Variants in CUX2 observed in about 807,000 individuals in gnomAD.
CUX2 encodes the protein cut like homeobox 2.
In CUX2, 40 loss-of-function variants were observed where a neutral mutation model predicts 144.8. The ratio of observed to expected loss-of-function variants is 0.28; its 90% CI spans 0.21 to 0.36. CUX2 has a LOEUF of 0.36. CUX2 is among the 10% of genes least tolerant of loss of function. The probability of loss-of-function intolerance (pLI) is 1.00; values close to 1 mark genes in which losing one functional copy is unlikely to be tolerated. For synonymous variants in CUX2, 827 were observed against 875.6 expected (o/e 0.94, Z 0.98); for missense variants, 1,615 against 1,994.0 (o/e 0.81, Z 3.62).
At chr12:111,291,023 C>T (rs752406354) in intron 4 of CUX2, among the ~76,000 whole-genome samples, 12 of 151,968 alleles carry the variant, frequency 7.9e-5, no homozygotes, top group Admixed American at 1.3e-4. Flanking sequence ...CCACCACACC[C>T]GGCTAATTTT....
chr12:111,258,381 T>G (rs1214302628), intron 3 of CUX2, among the ~76,000 whole-genome samples: 1 of 152,044 alleles, frequency 6.6e-6, no homozygotes, highest in Non-Finnish European at 1.5e-5. Context: ...GGCGTGGTAG[T>G]GCATGCCTGT....
chr12:111,290,857 C>G (rs1885636125), intron 4 of CUX2, among the ~76,000 whole-genome samples: 1 of 148,202 alleles, frequency 6.7e-6, no homozygotes, highest in African/African-American at 2.6e-5. Context: ...AGCCACTGCA[C>G]TCAGCCAACC....
intron 4 of CUX2, among the ~76,000 whole-genome samples, chr12:111,270,956 G>C (rs1427643281): frequency 1.3e-5 from 2 of 152,148 alleles, no homozygotes; most frequent in Non-Finnish European, 2.9e-5. Context: ...TCTGGTTTCT[G>C]TGTCTTTAGA....
rs557455446 is a variant in CUX2 at position 111,295,783 on chromosome 12, A to T, written c.637+374A>T. The stretch of plus-strand genomic sequence containing the variant: ...ATTAATTAATTAATTAATTAATTTA[A>T]TACAACCCCTGCAGGGGCCAAAACG... On this transcript the variant is annotated intron_variant, in intron 7 of 21. Transcript: ENST00000261726. The surrounding 1 kb of genome is among the most constrained non-coding windows in gnomAD (Gnocchi z 5.0). Among the ~76,000 whole-genome samples, 195 of 138,418 alleles carry T rather than the reference A, an allele frequency of 1.4e-3. 1 individual carries two copies. The highest frequency in any genetic ancestry group is 5.4e-3 in the African/African-American group (192 of 35,720). 90.8% of individuals were successfully genotyped at this position (138,418 alleles called of 152,430 possible). A position where few individuals can be genotyped will look rare whatever the true frequency, so the allele number is the denominator to read the frequency against.
chr12:111,110,029 C>G (rs1873844733), intron 1 of CUX2, among the ~76,000 whole-genome samples: 1 of 151,454 alleles, frequency 6.6e-6, no homozygotes, highest in South Asian at 2.1e-4. Context: ...GTGCCCACCA[C>G]CACACTCAAC....
At chr12:111,075,743 A>C (rs1377841393) in intron 1 of CUX2, among the ~76,000 whole-genome samples, 1 of 152,112 alleles carries the variant, frequency 6.6e-6, no homozygotes, top group African/African-American at 2.4e-5. Flanking sequence ...AAGTCTCATT[A>C]TTTGTCCTTA....
At chr12:111,113,609 C>T (rs1177292481) in intron 1 of CUX2, among the ~76,000 whole-genome samples, 1 of 152,156 alleles carries the variant, frequency 6.6e-6, no homozygotes, top group Non-Finnish European at 1.5e-5. Context: ...GGCTGGAGTG[C>T]AGTGGCACGA....
intron 1 of CUX2, among the ~76,000 whole-genome samples, chr12:111,136,903 C>G (rs551291214): frequency 6.6e-6 from 1 of 151,730 alleles, no homozygotes; most frequent in African/African-American, 2.4e-5. Flanking sequence ...GTGTATGTGT[C>G]AAGATTTGGT....
chr12:111,150,886 T>C (rs6489962), intron 1 of CUX2, among the ~76,000 whole-genome samples: 1,857 of 152,172 alleles, frequency 0.012, 38 homozygotes, highest in African/African-American at 0.042. Context: ...TTCGCAGCAA[T>C]GGTGGGAGGG....
Position 111,096,900 on chromosome 12 carries a change from C to A in CUX2, c.63+62660C>A, listed in dbSNP as rs188120722. Among the ~76,000 whole-genome samples, 453 of 152,028 alleles carry A rather than the reference C, an allele frequency of 3.0e-3. 4 individuals carry two copies. The highest frequency in any genetic ancestry group is 0.01 in the African/African-American group (427 of 41,460). On this transcript the variant is annotated intron_variant, in intron 1 of 21. Transcript: ENST00000261726. The stretch of plus-strand genomic sequence containing the variant: ...GGCTGAGGCAGAGAATTGCTTGAAC[C>A]CAGGAGGTGGAGGTTGCAGTGAGCC...
Position 111,310,489 on chromosome 12 carries a change from C to T in CUX2, c.1707C>T (p.His569=). 1 of 1,613,998 alleles carries T rather than the reference C, an allele frequency of 6.2e-7. No individual in the cohort carries two copies. The highest frequency in any genetic ancestry group is 8.5e-7 in the Non-Finnish European group (1 of 1,180,014). ...AGGTGAAGGAGCAGCTGCTGAAACA[C>T]AACATCGGGCAGCGGGTGTTTGGGC... ...AFQVKEQLLK[H]NIGQRVFGHY... Residue 569 remains histidine (H), a synonymous_variant, in exon 15 of 22, where the codon CAC becomes CAT. Transcript: ENST00000261726. The surrounding 1 kb of genome is among the most constrained non-coding windows in gnomAD (Gnocchi z 7.9).
intron 3 of CUX2, among the ~76,000 whole-genome samples, chr12:111,230,570 C>T (rs571912842): frequency 3.9e-5 from 6 of 152,304 alleles, no homozygotes; most frequent in African/African-American, 1.2e-4. Context: ...AGTGGAATCC[C>T]CTGCAAGCTT....
chr12:111,119,222 T>C (rs1874481205), intron 1 of CUX2, among the ~76,000 whole-genome samples: 1 of 152,196 alleles, frequency 6.6e-6, no homozygotes, highest in Non-Finnish European at 1.5e-5. Flanking sequence ...AGACAATCTG[T>C]AAAGGAAGAT....
chr12:111,069,983 C>T (rs1871190534), intron 1 of CUX2, among the ~76,000 whole-genome samples: 1 of 152,140 alleles, frequency 6.6e-6, no homozygotes, highest in Non-Finnish European at 1.5e-5. Flanking sequence ...GCCCCAGGGC[C>T]CAGCTCCTGT....
intron 3 of CUX2, among the ~76,000 whole-genome samples, chr12:111,253,699 T>G (rs997161761): frequency 6.6e-6 from 1 of 152,206 alleles, no homozygotes; most frequent in Non-Finnish European, 1.5e-5. Context: ...GATGCCTGAT[T>G]AATATCTGTT....
chr12:111,101,059 T>C (rs1214183796), intron 1 of CUX2, among the ~76,000 whole-genome samples: 1 of 152,234 alleles, frequency 6.6e-6, no homozygotes, highest in Non-Finnish European at 1.5e-5. Context: ...TTCTGTAGCT[T>C]GGGCGATAAA....
At chr12:111,305,299 C>T (rs1886517518) in intron 10 of CUX2, among the ~76,000 whole-genome samples, 1 of 152,200 alleles carries the variant, frequency 6.6e-6, no homozygotes, top group African/African-American at 2.4e-5. Flanking sequence ...TGACTTCCCT[C>T]TCCACCCATG....
intron 1 of CUX2, among the ~76,000 whole-genome samples, chr12:111,078,123 G>A (rs1168634446): frequency 6.6e-6 from 1 of 152,148 alleles, no homozygotes; most frequent in African/African-American, 2.4e-5. Context: ...GAGCAGTGGG[G>A]TGTTGCTTCT....
intron 1 of CUX2, among the ~76,000 whole-genome samples, chr12:111,046,045 G>C (rs1302372085): frequency 6.6e-6 from 1 of 152,218 alleles, no homozygotes; most frequent in Admixed American, 6.5e-5. Flanking sequence ...TATCAGATGA[G>C]AGAAGCTCAC....
Sources: allele counts gnomAD v4.1 joint callset (sites outside exome capture counted in the v4.1 genomes callset), GRCh38; gene constraint gnomAD v4.1.1; non-coding constraint Gnocchi (gnomAD v3.1); transcripts MANE v1.5; gene names NCBI Gene and HGNC (gene_info 2026-07-23, HGNC 2026-07-21).